NLGN1: variants seen among roughly 807,000 people sequenced by gnomAD.
NLGN1 encodes the protein neuroligin 1, also known as neuroligin-1.
Under a neutral mutation model 65.5 loss-of-function variants are expected in NLGN1, and 12 were observed. The ratio of observed to expected loss-of-function variants is 0.18; its 90% CI spans 0.12 to 0.30. The LOEUF is 0.30. NLGN1 is among the 10% of genes least tolerant of loss of function. The probability of loss-of-function intolerance (pLI) is 1.00; values close to 1 mark genes in which losing one functional copy is unlikely to be tolerated. For missense variants in NLGN1, 750 were observed against 1,007.1 expected, an observed-to-expected ratio of 0.74 and a Z score of 3.46; for synonymous variants, 350 against 359.5, an observed-to-expected ratio of 0.97 and a Z score of 0.30.
intron 1 of NLGN1, among the ~76,000 whole-genome samples, chr3:173,434,534 A>G (rs1478128992): frequency 2.0e-5 from 3 of 152,318 alleles, no homozygotes; most frequent in South Asian, 2.1e-4. Flanking sequence ...TAGTGATTAT[A>G]TCATTATTCA....
chr3:173,633,551 C>A (rs1218606740), intron 3 of NLGN1, among the ~76,000 whole-genome samples: 2 of 152,134 alleles, frequency 1.3e-5, no homozygotes, highest in East Asian at 3.9e-4. Flanking sequence ...GAAGTTCACC[C>A]TATGGAAAGA....
chr3:174,106,151 G>A (rs774956408), intron 4 of NLGN1, among the ~76,000 whole-genome samples: 1 of 152,060 alleles, frequency 6.6e-6, no homozygotes, highest in Non-Finnish European at 1.5e-5. Flanking sequence ...TAGAATCACC[G>A]AGGAAGGATT....
rs150912762 is a variant in NLGN1, at chr3:174,155,121, T to C, written c.647-120194T>C. Among the ~76,000 whole-genome samples the C allele has an allele frequency of 1.5e-3, 223 of 149,218 alleles. 1 individual carries two copies. Among genetic ancestry groups the C allele is most frequent in the African/African-American group, 5.2e-3 (213 of 40,792 alleles). On this transcript the variant is annotated intron_variant, in intron 4 of 6. Coordinates refer to ENST00000457714, the Ensembl canonical transcript of NLGN1. ...TTATCTTAAATATTTGGAATGCTTT[T>C]GTTACACAGTTGAGAGATCTAAAGC...
At chr3:173,518,187 G>A (rs1329271794) in intron 2 of NLGN1, among the ~76,000 whole-genome samples, 2 of 152,076 alleles carry the variant, frequency 1.3e-5, no homozygotes, top group African/African-American at 4.8e-5. Flanking sequence ...TTGCCAAACT[G>A]ATTGGTTAAA....
chr3:173,765,459 CAA>C (rs1209341901), intron 3 of NLGN1, among the ~76,000 whole-genome samples: 1 of 152,078 alleles, frequency 6.6e-6, no homozygotes, highest in African/African-American at 2.4e-5. Flanking sequence ...GCCATTAGGA[CAA>C]GAAGGAGAAA....
rs546371017 is a variant in NLGN1 at position 173,413,056 on chromosome 3, T to C, written c.-390+14569T>C. ...TGGCGATATTTATCCTTCTTTTCTTTTTAAGAGTCTTTCCTTCTCTTTCTG... is the reference window on the plus strand; with the variant it reads ...TGGCGATATTTATCCTTCTTTTCTTCTTAAGAGTCTTTCCTTCTCTTTCTG... On this transcript the variant is annotated intron_variant, in intron 1 of 6. Coordinates refer to ENST00000457714, the Ensembl canonical transcript of NLGN1. Among the ~76,000 whole-genome samples the C allele has an allele frequency of 5.3e-5, 8 of 152,274 alleles. No homozygotes were observed. The South Asian group carries it at 1.7e-3, about 32-fold the overall frequency.
chr3:174,100,494 A>C (rs9834157), intron 4 of NLGN1, among the ~76,000 whole-genome samples: 29,911 of 151,546 alleles, frequency 0.2, 4,272 homozygotes, highest in African/African-American at 0.41. Flanking sequence ...CTAAAGTTAA[A>C]CCCTTTCAGT....
chr3:173,614,176 A>G (rs1317638581), intron 3 of NLGN1, among the ~76,000 whole-genome samples: 1 of 151,990 alleles, frequency 6.6e-6, no homozygotes, highest in Non-Finnish European at 1.5e-5. Flanking sequence ...AGTTCCCCTA[A>G]TTGGAAAGTG....
chr3:173,699,667 G>A (rs1663222294), intron 3 of NLGN1, among the ~76,000 whole-genome samples: 1 of 152,194 alleles, frequency 6.6e-6, no homozygotes, highest in Admixed American at 6.5e-5. Context: ...GTGGCCTTGA[G>A]TTCCTGGTTT....
intron 3 of NLGN1, among the ~76,000 whole-genome samples, chr3:173,685,142 C>T (rs541861284): frequency 2.6e-5 from 4 of 152,182 alleles, no homozygotes; most frequent in Non-Finnish European, 4.4e-5. Context: ...GTTTGTGTTA[C>T]GTTAACAATA....
chr3:173,473,937 G>T (rs373739644), intron 2 of NLGN1, among the ~76,000 whole-genome samples: 3 of 152,250 alleles, frequency 2.0e-5, no homozygotes, highest in African/African-American at 7.2e-5. Context: ...CAGTAATTTG[G>T]CACAGGGCTG....
At chr3:173,582,009 C>T (rs985487558) in intron 2 of NLGN1, among the ~76,000 whole-genome samples, 1 of 151,914 alleles carries the variant, frequency 6.6e-6, no homozygotes, top group Non-Finnish European at 1.5e-5. Context: ...CATTATCATA[C>T]ATGTTGATAT....
intron 2 of NLGN1, among the ~76,000 whole-genome samples, chr3:173,542,602 T>C (rs576077127): frequency 6.6e-6 from 1 of 152,148 alleles, no homozygotes; most frequent in South Asian, 2.1e-4. Context: ...GTTTTCTTCT[T>C]ATATTTTATT....
At chr3:173,702,551 AGAT>A (rs1276190122) in intron 3 of NLGN1, among the ~76,000 whole-genome samples, 3 of 152,256 alleles carry the variant, frequency 2.0e-5, no homozygotes, top group Admixed American at 1.3e-4. Flanking sequence ...TCTTTGAATA[AGAT>A]GATGATCAAA....
At chr3:173,993,654 T>TGATA (rs10648000) in intron 4 of NLGN1, among the ~76,000 whole-genome samples, 89,134 of 147,160 alleles carry the variant, frequency 0.61, 26,971 homozygotes, top group Admixed American at 0.63. Flanking sequence ...GCTAGATAGA[T>TGATA]GATAGATAGA....
chr3:173,533,668 T>A (rs755702169), intron 2 of NLGN1, among the ~76,000 whole-genome samples: 5 of 151,910 alleles, frequency 3.3e-5, no homozygotes. Context: ...CAATTACGTA[T>A]AGAAGCAAGG....
chr3:173,462,110 A>G (rs538527439), intron 2 of NLGN1, among the ~76,000 whole-genome samples: 7 of 152,300 alleles, frequency 4.6e-5, no homozygotes, highest in Admixed American at 4.6e-4. Flanking sequence ...CAGTGCTGTT[A>G]CTGTTTTGAA....
intron 2 of NLGN1, among the ~76,000 whole-genome samples, chr3:173,560,756 G>T (rs896013334): frequency 1.3e-5 from 2 of 152,048 alleles, no homozygotes; most frequent in African/African-American, 4.8e-5. Flanking sequence ...ATCTATGAAA[G>T]CACCTTAAAA....
intron 4 of NLGN1, among the ~76,000 whole-genome samples, chr3:173,894,050 A>G (rs545117117): frequency 6.6e-6 from 1 of 152,244 alleles, no homozygotes; most frequent in African/African-American, 2.4e-5. Context: ...AAGCACCTTC[A>G]CTTCCTCTTT....
Sources: allele counts gnomAD v4.1 joint callset (sites outside exome capture counted in the v4.1 genomes callset), GRCh38; gene constraint gnomAD v4.1.1; transcripts MANE v1.5; gene names NCBI Gene and HGNC (gene_info 2026-07-23, HGNC 2026-07-21).